Variants in DHCR7 observed in about 807,000 individuals in gnomAD.
DHCR7 encodes 7-dehydrocholesterol reductase, also known as 7-DHC reductase.
Under a neutral mutation model 43.3 loss-of-function variants are expected in DHCR7, and 40 were observed. The ratio of observed to expected loss-of-function variants is 0.92; its 90% CI spans 0.72 to 1.20. The LOEUF is 1.20. DHCR7 is among the 50% of genes most tolerant of loss of function. The pLI, the probability that DHCR7 is intolerant of heterozygous loss-of-function variation, is 0.00. For missense variants in DHCR7, 608 were observed against 644.6 expected (o/e 0.94, Z 0.62); for synonymous variants, 298 against 271.4 (o/e 1.10, Z -0.96).
intron 4 of DHCR7, 110 bp downstream of exon 4, chr11:71,443,883 G>T: frequency 1.2e-6 from 1 of 865,518 alleles, no homozygotes; most frequent in Non-Finnish European, 1.8e-6. Flanking sequence ...CGGGAACCCA[G>T]ATGTCAACCT....
intron 6 of DHCR7, among the ~76,000 whole-genome samples, chr11:71,440,254 C>G (rs1482816725): frequency 2.0e-5 from 3 of 152,104 alleles, no homozygotes; most frequent in African/African-American, 7.2e-5. Flanking sequence ...GGAGGTTGAC[C>G]TGGATGAGAT....
At chr11:71,436,863 C>T (rs1949287590) in intron 8 of DHCR7, among the ~76,000 whole-genome samples, 2 of 152,224 alleles carry the variant, frequency 1.3e-5, no homozygotes, top group African/African-American at 4.8e-5. Context: ...AAAAAATGTA[C>T]ATCTCGAGAC....
chr11:71,444,784 C>T, intron 3 of DHCR7, 71 bp downstream of exon 3: 1 of 1,396,292 alleles, frequency 7.2e-7, no homozygotes, highest in East Asian at 2.3e-5. Flanking sequence ...TGGGTCCATA[C>T]AATTCCAAAG....
intron 4 of DHCR7, among the ~76,000 whole-genome samples, chr11:71,443,138 G>A (rs780675176): frequency 1.3e-5 from 2 of 152,210 alleles, no homozygotes; most frequent in African/African-American, 2.4e-5. Flanking sequence ...ATTCCCTTCC[G>A]CTGCCAAATA....
downstream of DHCR7, among the ~76,000 whole-genome samples, chr11:71,430,499 G>GTGGT (rs141674169): frequency 1.3e-5 from 2 of 151,440 alleles, no homozygotes; most frequent in Non-Finnish European, 2.9e-5. Context: ...GCCATTTGTG[G>GTGGT]GTGGTGGTGT....
At position 71,448,275 on chromosome 11, in the gene DHCR7, A is replaced by T; in HGVS notation, c.-132+15T>A. 1 of 154,476 alleles carries T rather than the reference A, an allele frequency of 6.5e-6. No homozygotes were observed. The highest frequency in any genetic ancestry group is 1.9e-4 in the South Asian group (1 of 5,266). 9.6% of individuals were successfully genotyped at this position (154,476 alleles called of 1,614,324 possible). ...CCTTCCCCTGGCCTCACCTGCGCAC[A>T]CCTTGGCCACTCACCTGCGCACACC... On this transcript the variant is annotated intron_variant, in intron 1 of 8. Transcript: ENST00000355527.
At chr11:71,446,622 A>G (rs1254154811) in intron 2 of DHCR7, among the ~76,000 whole-genome samples, 3 of 152,272 alleles carry the variant, frequency 2.0e-5, no homozygotes, top group African/African-American at 7.2e-5. Context: ...TGATTTTTAA[A>G]AAAATGTGTG....
At chr11:71,430,282 C>T (rs974083941), downstream of DHCR7, among the ~76,000 whole-genome samples, 1 of 152,144 alleles carries the variant, frequency 6.6e-6, no homozygotes, top group Non-Finnish European at 1.5e-5. Flanking sequence ...AGGGGCGCCC[C>T]GTCTACTCAG....
Position 71,438,860 on chromosome 11 carries a change from C to T in DHCR7, c.831+19G>A, listed in dbSNP as rs1448108047. 1 of 1,613,040 alleles carries T rather than the reference C, an allele frequency of 6.2e-7. No individual in the cohort carries two copies. Among genetic ancestry groups the T allele is most frequent in the Non-Finnish European group, 8.5e-7 (1 of 1,179,774 alleles). The stretch of plus-strand genomic sequence containing the variant: ...CCTGCCGGCATCGGCGTTTCACCCT[C>T]TCCAGCCATGACAGGCACCTGCAGG... On this transcript the variant is annotated intron_variant, in intron 7 of 8. Coordinates refer to ENST00000355527, the MANE Select transcript of DHCR7 (RefSeq NM_001360.3).
At chr11:71,430,903 C>T (rs1949224513), downstream of DHCR7, among the ~76,000 whole-genome samples, 1 of 152,166 alleles carries the variant, frequency 6.6e-6, no homozygotes, top group Admixed American at 6.5e-5. Context: ...GCCTGTAATC[C>T]CAGCACTTTG....
Position 71,447,795 on chromosome 11 carries a change from A to C in DHCR7, c.-131-61T>G, listed in dbSNP as rs3750997. ...AGCTGACATTTCAGGAGAGGGCAGAAGCTCAAGGCCCACAGTAGGAGTCAA... is the reference window on the plus strand; with the variant it reads ...AGCTGACATTTCAGGAGAGGGCAGACGCTCAAGGCCCACAGTAGGAGTCAA... On this transcript the variant is annotated intron_variant, in intron 1 of 8. Transcript: ENST00000355527. 88,955 of 152,306 alleles carry C rather than the reference A, an allele frequency of 0.58. 27,997 individuals are homozygous for C. The highest frequency in any genetic ancestry group is 0.74 in the Non-Finnish European group (50,158 of 68,128). 9.4% of individuals were successfully genotyped at this position (152,306 alleles called of 1,614,324 possible).
At position 71,435,719 on chromosome 11, in the gene DHCR7, G is replaced by T. The variant is rs371302153; in HGVS notation, c.1084C>A (p.Arg362Ser). ...ATGAGGCAGCGCCCATCCGTGCGGCGGAACAGGTCCTTCTGGTGGTTGGCC... is the reference window on the plus strand; with the variant it reads ...ATGAGGCAGCGCCCATCCGTGCGGCTGAACAGGTCCTTCTGGTGGTTGGCC... ...RVANHQKDLF[R>S]RTDGRCLIWG... Residue 362 changes from arginine (R) to serine (S), a missense_variant, in exon 9 of 9, where the codon CGC becomes AGC. By Grantham distance (110) the Arg-to-Ser change is moderately radical. Transcript: ENST00000355527. The T allele has an allele frequency of 6.2e-7, 1 of 1,612,896 alleles. No individual in the cohort carries two copies. Among genetic ancestry groups the T allele is most frequent in the East Asian group, 2.2e-5 (1 of 44,870 alleles).
intron 5 of DHCR7, 52 bp downstream of exon 5, chr11:71,442,211 A>C (rs1345465205): frequency 7.4e-7 from 1 of 1,356,720 alleles, no homozygotes; most frequent in Non-Finnish European, 1.0e-6. Context: ...CTGGCCCCTG[A>C]GAGAAAGGGA....
chr11:71,443,712 C>T (rs1327522583), intron 4 of DHCR7, among the ~76,000 whole-genome samples: 1 of 152,236 alleles, frequency 6.6e-6, no homozygotes, highest in Non-Finnish European at 1.5e-5. Flanking sequence ...CGGGGTTTTG[C>T]TCCTATCCTC....
chr11:71,427,651 G>C (rs774882512), downstream of DHCR7, among the ~76,000 whole-genome samples: 1 of 152,158 alleles, frequency 6.6e-6, no homozygotes, highest in Admixed American at 6.5e-5. Context: ...AGCTTCCAGG[G>C]AAAGGATAAA....
rs756419639 is a variant in DHCR7, at chr11:71,435,879, CA to C, written c.964-41del. On this transcript the variant is annotated intron_variant, in intron 8 of 8. Transcript: ENST00000355527. ...GGAAGGGGTCAAGCGGTGCTTTGCCCAGGGAGAGGACAGGAGTGTGGGCTCG... is the reference window on the plus strand; with the variant it reads ...GGAAGGGGTCAAGCGGTGCTTTGCCCGGGAGAGGACAGGAGTGTGGGCTCG... 3 of 1,553,784 alleles carry C rather than the reference CA, an allele frequency of 1.9e-6. No homozygotes were observed. In the South Asian group the frequency reaches 3.4e-5, roughly 18 times the overall value.
Position 71,441,226 on chromosome 11 carries a change from C to T in DHCR7, c.626+1G>A. On this transcript the variant is annotated splice_donor_variant, in intron 6 of 8. Transcript: ENST00000355527. LOFTEE classifies it high-confidence loss of function. ...GGCTGGACCCGCTGCTAAGAACATA[C>T]CAGTCTCTGGCGCTGGTGGGGAAGA... The T allele has an allele frequency of 6.2e-7, 1 of 1,614,130 alleles. No homozygotes were observed.
intron 2 of DHCR7, 80 bp from the exon 3 acceptor site, chr11:71,445,038 T>G: frequency 7.8e-7 from 1 of 1,280,584 alleles, no homozygotes; most frequent in Non-Finnish European, 1.1e-6. Context: ...CCACTGCTCC[T>G]GGGCCTGGCA....
chr11:71,430,413 C>T (rs1165354395), downstream of DHCR7, among the ~76,000 whole-genome samples: 1 of 152,198 alleles, frequency 6.6e-6, no homozygotes, highest in Non-Finnish European at 1.5e-5. Flanking sequence ...CCAGACTAGG[C>T]GTGTTGCAGC....
Sources: gnomAD v4.1 joint callset for allele counts (sites outside exome capture counted in the v4.1 genomes callset) on GRCh38, gnomAD v4.1.1 for gene constraint, MANE v1.5 for transcripts, NCBI Gene and HGNC (gene_info 2026-07-23, HGNC 2026-07-21) for gene names.